Variants in PPP1R16B observed in about 807,000 individuals in gnomAD.
PPP1R16B encodes protein phosphatase 1 regulatory subunit 16B.
In PPP1R16B, 14 loss-of-function variants were observed where a neutral mutation model predicts 61.7. That is an observed-to-expected ratio of 0.23 (90% CI 0.15 to 0.35). The LOEUF (loss-of-function observed/expected upper bound fraction) is 0.35. Among genes scored for constraint, PPP1R16B ranks in the 10% least tolerant of loss-of-function variants. The probability of loss-of-function intolerance (pLI) is 1.00; values close to 1 mark genes in which losing one functional copy is unlikely to be tolerated. For synonymous variants in PPP1R16B, 266 were observed against 305.3 expected (o/e 0.87, Z 1.34); for missense variants, 547 against 752.5 (o/e 0.73, Z 3.19).
At chr20:38,820,558 C>CAA (rs575200975) in intron 1 of PPP1R16B, among the ~76,000 whole-genome samples, 2 of 126,058 alleles carry the variant, frequency 1.6e-5, no homozygotes, top group Non-Finnish European at 3.4e-5. Context: ...AACTTCGTCT[C>CAA]AAAAAAAAAA....
intron 4 of PPP1R16B, among the ~76,000 whole-genome samples, chr20:38,896,030 T>TTCCCCC (rs1568679254): frequency 5.0e-5 from 6 of 119,452 alleles, no homozygotes; most frequent in African/African-American, 2.3e-4. Flanking sequence ...TTCTTTCCTC[T>TTCCCCC]CTTCCTTCTT....
intron 1 of PPP1R16B, among the ~76,000 whole-genome samples, chr20:38,814,157 A>G (rs1410120735): frequency 1.3e-5 from 2 of 152,184 alleles, no homozygotes; most frequent in Non-Finnish European, 2.9e-5. Context: ...GAGAGGTTCA[A>G]TGTCTTACTC....
intron 10 of PPP1R16B, among the ~76,000 whole-genome samples, chr20:38,909,187 A>G (rs902323601): frequency 1.3e-5 from 2 of 151,992 alleles, no homozygotes; most frequent in Admixed American, 1.3e-4. Flanking sequence ...TTTCTTGTAG[A>G]GATGAGGTCT....
chr20:38,842,974 C>T (rs765833877), intron 2 of PPP1R16B, among the ~76,000 whole-genome samples: 1 of 152,160 alleles, frequency 6.6e-6, no homozygotes, highest in African/African-American at 2.4e-5. Context: ...TGTCAGGCAG[C>T]GTCCTGGGAG....
chr20:38,859,444 G>A (rs148713312), intron 2 of PPP1R16B, among the ~76,000 whole-genome samples: 8 of 152,256 alleles, frequency 5.3e-5, no homozygotes, highest in African/African-American at 1.2e-4. Flanking sequence ...GGCTCTGCCC[G>A]CTAGATCAGA....
intron 2 of PPP1R16B, among the ~76,000 whole-genome samples, chr20:38,843,168 C>A (rs536503292): frequency 6.6e-6 from 1 of 152,288 alleles, no homozygotes; most frequent in East Asian, 1.9e-4. Flanking sequence ...TTACTGTATT[C>A]GAAATTTAAA....
In PPP1R16B at chr20:38,918,820, A is replaced by G. The variant is rs913620788; in HGVS notation, c.*154A>G. 2 of 897,150 alleles carry G rather than the reference A, an allele frequency of 2.2e-6. No homozygotes were observed. Among genetic ancestry groups the G allele is most frequent in the African/African-American group, 1.7e-5 (1 of 58,996 alleles). The allele number at this position is 897,150 out of a possible 1,614,324, so 55.6% of individuals were successfully genotyped here. A position where few individuals can be genotyped will look rare whatever the true frequency, so the allele number is the denominator to read the frequency against. ...GACCCCAGCCCTCAGCTGGCTGCCCATAGCATCCCATGTCCCACGTCCCGT... is the reference window on the plus strand; with the variant it reads ...GACCCCAGCCCTCAGCTGGCTGCCCGTAGCATCCCATGTCCCACGTCCCGT... On this transcript the variant is annotated 3_prime_UTR_variant, in exon 11 of 11. Coordinates refer to ENST00000299824, the MANE Select transcript of PPP1R16B (RefSeq NM_015568.4). This position sits in a 1 kb window ranked among gnomAD's most constrained non-coding sequence, Gnocchi z 5.3.
chr20:38,901,111 G>A (rs1036026949), intron 5 of PPP1R16B, among the ~76,000 whole-genome samples: 2 of 152,220 alleles, frequency 1.3e-5, no homozygotes, highest in Non-Finnish European at 1.5e-5. Flanking sequence ...GATGTGGGCT[G>A]TTCTCAACTC....
chr20:38,866,348 G>A (rs1284230206), intron 2 of PPP1R16B, among the ~76,000 whole-genome samples: 1 of 152,068 alleles, frequency 6.6e-6, no homozygotes, highest in Non-Finnish European at 1.5e-5. Flanking sequence ...ATGACCTTCA[G>A]CAACTGACTT....
intron 2 of PPP1R16B, among the ~76,000 whole-genome samples, chr20:38,843,144 C>A (rs765808631): frequency 6.6e-5 from 10 of 152,218 alleles, no homozygotes; most frequent in Non-Finnish European, 1.2e-4. Context: ...TAGCTGGGTT[C>A]TATCTACCCA....
At chr20:38,809,910 A>C (rs1425810260) in intron 1 of PPP1R16B, among the ~76,000 whole-genome samples, 1 of 136,058 alleles carries the variant, frequency 7.3e-6, no homozygotes, top group South Asian at 2.6e-4. Context: ...GAACGGGGGA[A>C]GTGGAGGCTC....
chr20:38,810,718 A>G (rs2084695250), intron 1 of PPP1R16B, among the ~76,000 whole-genome samples: 1 of 152,150 alleles, frequency 6.6e-6, no homozygotes, highest in Non-Finnish European at 1.5e-5. Context: ...CTTTACTTGC[A>G]TCGCCATTGA....
intron 1 of PPP1R16B, among the ~76,000 whole-genome samples, chr20:38,835,564 C>A (rs2084863981): frequency 6.6e-6 from 1 of 152,232 alleles, no homozygotes; most frequent in Admixed American, 6.5e-5. Flanking sequence ...GTGGATAGTG[C>A]AACCAAGGAA....
intron 2 of PPP1R16B, among the ~76,000 whole-genome samples, chr20:38,869,926 ATTTT>A (rs879259446): frequency 6.9e-6 from 1 of 145,694 alleles, no homozygotes. Context: ...TTATTTATTT[ATTTT>A]TTTTTTTTTT....
chr20:38,912,573 G>A (rs2085501296), intron 10 of PPP1R16B, among the ~76,000 whole-genome samples: 1 of 151,744 alleles, frequency 6.6e-6, no homozygotes. Flanking sequence ...GTCTTGTGAG[G>A]CTGAGGCAGG....
chr20:38,832,271 A>C (rs1171804923), intron 1 of PPP1R16B, among the ~76,000 whole-genome samples: 1 of 152,174 alleles, frequency 6.6e-6, no homozygotes, highest in African/African-American at 2.4e-5. Context: ...GATTTATGAG[A>C]TAAATTGACA....
At chr20:38,880,486 GC>G (rs1193576895) in intron 2 of PPP1R16B, among the ~76,000 whole-genome samples, 1 of 152,084 alleles carries the variant, frequency 6.6e-6, no homozygotes, top group Admixed American at 6.6e-5. Context: ...GGACAACATG[GC>G]AAAATGCCAT....
At chr20:38,854,004 T>C (rs546055393) in intron 2 of PPP1R16B, among the ~76,000 whole-genome samples, 37 of 152,304 alleles carry the variant, frequency 2.4e-4, no homozygotes, top group African/African-American at 8.7e-4. Flanking sequence ...TACAAGCGCT[T>C]GGGTACTGAA....
At chr20:38,879,705 C>T (rs2085191882) in intron 2 of PPP1R16B, among the ~76,000 whole-genome samples, 1 of 152,184 alleles carries the variant, frequency 6.6e-6, no homozygotes, top group African/African-American at 2.4e-5. Context: ...CTGCATACAC[C>T]CAATGCCAGA....
Sources: gnomAD v4.1 joint callset for allele counts (sites outside exome capture counted in the v4.1 genomes callset) on GRCh38, gnomAD v4.1.1 for gene constraint, Gnocchi (gnomAD v3.1) non-coding constraint, MANE v1.5 for transcripts, NCBI Gene and HGNC (gene_info 2026-07-23, HGNC 2026-07-21) for gene names.